ODR4: variants seen among roughly 807,000 people sequenced by gnomAD.
ODR4 encodes the protein protein odr-4 homolog.
In ODR4, 47 loss-of-function variants were observed where a neutral mutation model predicts 60.2. That is an observed-to-expected ratio of 0.78 (90% CI 0.62 to 1.00). The LOEUF (loss-of-function observed/expected upper bound fraction) is 1.00, where lower values mean the gene tolerates loss of function less well. ODR4 is among the 50% of genes least tolerant of loss of function. The probability of loss-of-function intolerance (pLI) is 0.00; values close to 1 mark genes in which losing one functional copy is unlikely to be tolerated. For missense variants in ODR4, 488 were observed against 530.8 expected (o/e 0.92, Z 0.79); for synonymous variants, 178 against 175.5 (o/e 1.01, Z -0.11).
Position 186,420,786 on chromosome 1 carries a change from T to C in ODR4, c.*1710T>C, listed in dbSNP as rs748187867. The stretch of plus-strand genomic sequence containing the variant: ...AGTTCGAGGGAAGAATTATAAAGAC[T>C]AGGAGTCCTAGAAAGAGAAAATTTA... On this transcript the variant is annotated 3_prime_UTR_variant, in exon 14 of 14. Coordinates refer to ENST00000287859, the MANE Select transcript of ODR4 (RefSeq NM_017847.6). The C allele has an allele frequency of 6.6e-6, 1 of 152,112 alleles. No individual in the cohort carries two copies. The highest frequency in any genetic ancestry group is 2.1e-4 in the South Asian group (1 of 4,834). The allele number at this position is 152,112 out of a possible 1,614,324, so 9.4% of individuals were successfully genotyped here. A position where few individuals can be genotyped will look rare whatever the true frequency, so the allele number is the denominator to read the frequency against.
Position 186,375,913 on chromosome 1 carries a change from C to A in ODR4, c.-81C>A. On this transcript the variant is annotated 5_prime_UTR_variant, in exon 1 of 14. Transcript: ENST00000287859. ...GGCTGGTACTTGGGCCCGAAACCCC[C>A]ATCTCCGGCGGAGAGACCGTCCGAG... The A allele has an allele frequency of 4.8e-6, 1 of 208,710 alleles. No homozygotes were observed. Among genetic ancestry groups the A allele is most frequent in the South Asian group, 5.9e-5 (1 of 16,864 alleles). 12.9% of individuals were successfully genotyped at this position (208,710 alleles called of 1,614,324 possible).
intron 6 of ODR4, 138 bp from the exon 7 acceptor site, chr1:186,390,573 T>A: frequency 1.2e-6 from 1 of 837,684 alleles, no homozygotes; most frequent in Non-Finnish European, 1.9e-6. Context: ...CTATAGTCTT[T>A]TGATCAAGGG....
chr1:186,432,467 T>C, the ODR4 span, among the ~76,000 whole-genome samples: 8 of 152,154 alleles, frequency 5.3e-5, no homozygotes, highest in African/African-American at 1.9e-4. Context: ...TCTTTTCAGA[T>C]TGATAGAATT....
chr1:186,432,803 T>G, the ODR4 span, among the ~76,000 whole-genome samples: 1 of 151,850 alleles, frequency 6.6e-6, no homozygotes, highest in Non-Finnish European at 1.5e-5. Flanking sequence ...TTTTTTTTCT[T>G]GAGACGGAGT....
intron 11 of ODR4, among the ~76,000 whole-genome samples, chr1:186,403,038 A>G (rs989607932): frequency 6.6e-6 from 1 of 152,192 alleles, no homozygotes; most frequent in Non-Finnish European, 1.5e-5. Flanking sequence ...GAGGAGAACA[A>G]CTTATGTTAA....
chr1:186,431,706 C>T, the ODR4 span, among the ~76,000 whole-genome samples: 1 of 152,088 alleles, frequency 6.6e-6, no homozygotes, highest in African/African-American at 2.4e-5. Flanking sequence ...AATACAAAAT[C>T]ACCATTTGCA....
Position 186,388,453 on chromosome 1 carries a change from T to C in ODR4, c.342T>C (p.Ala114=), listed in dbSNP as rs765244494. 3.1e-5 allele frequency: 47 copies of C among 1,539,746 alleles called. No individual in the cohort carries two copies. The highest frequency in any genetic ancestry group is 1.2e-4 in the African/African-American group (9 of 72,332). Residue 114 remains alanine (A), a synonymous_variant, in exon 5 of 14, where the codon GCT becomes GCC. Coordinates refer to ENST00000287859, the MANE Select transcript of ODR4 (RefSeq NM_017847.6). ...TTTCTCTCTTTCAGCTAATGTTTGC[T>C]GTGGAAAAGTCTATAAATAGAAAGA... ...FQNALRRLMF[A]VEKSINRKRL... is the part of the protein sequence containing the mutation.
In ODR4 at chr1:186,419,944, G is replaced by A. The variant is rs1007018153; in HGVS notation, c.*868G>A. ...CAGAGAAGTCCCATTAGTAAGAAAT[G>A]ACATAAAATACGTGCTTTCTCAGGT... On this transcript the variant is annotated 3_prime_UTR_variant, in exon 14 of 14. Coordinates refer to ENST00000287859, the MANE Select transcript of ODR4 (RefSeq NM_017847.6). 3.3e-5 allele frequency: 5 copies of A among 152,132 alleles called. No individual in the cohort carries two copies. The highest frequency in any genetic ancestry group is 1.2e-4 in the African/African-American group (5 of 41,524). The allele number at this position is 152,132 out of a possible 1,614,324, so 9.4% of individuals were successfully genotyped here. A position where few individuals can be genotyped will look rare whatever the true frequency, so the allele number is the denominator to read the frequency against.
chr1:186,381,845 C>A (rs1180826693), intron 2 of ODR4, among the ~76,000 whole-genome samples: 1 of 152,044 alleles, frequency 6.6e-6, no homozygotes, highest in Non-Finnish European at 1.5e-5. Flanking sequence ...TAACTGAGAC[C>A]TACTTTCTTT....
intron 5 of ODR4, 85 bp downstream of exon 5, chr1:186,388,633 A>T (rs1660340139): frequency 2.6e-6 from 2 of 763,684 alleles, no homozygotes; most frequent in South Asian, 4.9e-5. Flanking sequence ...TATTTAAATC[A>T]TCATTTAAAA....
chr1:186,431,498 G>A, the ODR4 span, among the ~76,000 whole-genome samples: 1 of 152,120 alleles, frequency 6.6e-6, no homozygotes, highest in Non-Finnish European at 1.5e-5. Context: ...TAGAAATTTA[G>A]TTTAATGATG....
At chr1:186,424,838 T>C (rs779105463), downstream of ODR4, among the ~76,000 whole-genome samples, 1 of 151,900 alleles carries the variant, frequency 6.6e-6, no homozygotes, top group Non-Finnish European at 1.5e-5. Context: ...AGAAGCAGCA[T>C]CCCAAGTATA....
chr1:186,430,405 A>AT, the ODR4 span, among the ~76,000 whole-genome samples: 1 of 152,034 alleles, frequency 6.6e-6, no homozygotes, highest in African/African-American at 2.4e-5. Context: ...TGTTGAGGAG[A>AT]TTTTTTGTTT....
In ODR4 at chr1:186,386,009, G is replaced by C. The variant is rs780989697; in HGVS notation, c.256G>C (p.Gly86Arg). The C allele has an allele frequency of 6.3e-6, 10 of 1,599,728 alleles. No homozygotes were observed. In the Admixed American group the frequency reaches 1.5e-4, roughly 24 times the overall value. ...TTAGGTATCCAGAATGCTACCAGGG[G>C]GACTTTTAGTTCTTGGAGTATTTAT... Reference protein sequence around the residue: ...ACQVSRMLPGGLLVLGVFIIT... With the variant: ...ACQVSRMLPGRLLVLGVFIIT... The change falls in exon 4 of 14, where the codon GGA becomes CGA. Residue 86 changes from glycine (G) to arginine (R), a missense_variant. Coordinates refer to ENST00000287859, the MANE Select transcript of ODR4 (RefSeq NM_017847.6).
At chr1:186,406,954 T>G (rs1194467967) in intron 12 of ODR4, among the ~76,000 whole-genome samples, 1 of 152,184 alleles carries the variant, frequency 6.6e-6, no homozygotes, top group African/African-American at 2.4e-5. Context: ...GATTTCTTAG[T>G]TATTCTTTGC....
chr1:186,402,234 C>CTTTCTTTTTTT (rs1553236960), intron 11 of ODR4, among the ~76,000 whole-genome samples: 1 of 10,512 alleles, frequency 9.5e-5, no homozygotes. Flanking sequence ...TTCTTTCTTT[C>CTTTCTTTTTTT]CTTTCTTTCT....
intron 3 of ODR4, among the ~76,000 whole-genome samples, chr1:186,385,533 T>G (rs562167881): frequency 2.0e-5 from 3 of 151,786 alleles, no homozygotes; most frequent in Admixed American, 6.6e-5. Context: ...TGCAGAAGTA[T>G]AAGAAAAAGT....
At chr1:186,405,332 A>G (rs1571691436) in intron 11 of ODR4, among the ~76,000 whole-genome samples, 1 of 152,294 alleles carries the variant, frequency 6.6e-6, no homozygotes, top group East Asian at 1.9e-4. Flanking sequence ...GATCCTGTGC[A>G]CTAGATGTAA....
the ODR4 span, among the ~76,000 whole-genome samples, chr1:186,430,425 T>A: frequency 6.6e-6 from 1 of 152,044 alleles, no homozygotes; most frequent in Admixed American, 6.6e-5. Context: ...TACAGAATGG[T>A]GAAGAGGAAC....
Sources: allele counts gnomAD v4.1 joint callset (sites outside exome capture counted in the v4.1 genomes callset), GRCh38; gene constraint gnomAD v4.1.1; transcripts MANE v1.5; gene names NCBI Gene and HGNC (gene_info 2026-07-23, HGNC 2026-07-21).